Variants in TMEM163 observed in about 807,000 individuals in gnomAD.
TMEM163 encodes transmembrane protein 163.
Under a neutral mutation model 29.3 loss-of-function variants are expected in TMEM163, and 17 were observed. The observed-to-expected ratio is 0.58, with a 90% confidence interval of 0.40 to 0.87. The LOEUF (loss-of-function observed/expected upper bound fraction) is 0.87, where lower values mean the gene tolerates loss of function less well. TMEM163 is among the 40% of genes least tolerant of loss of function. The probability of loss-of-function intolerance (pLI) is 0.00; values close to 1 mark genes in which losing one functional copy is unlikely to be tolerated. For synonymous variants in TMEM163, 157 were observed against 160.6 expected, an observed-to-expected ratio of 0.98 and a Z score of 0.17; for missense variants, 303 against 381.5, an observed-to-expected ratio of 0.79 and a Z score of 1.71.
chr2:134,590,835 G>A (rs1681919622), intron 2 of TMEM163, among the ~76,000 whole-genome samples: 1 of 152,106 alleles, frequency 6.6e-6, no homozygotes, highest in Non-Finnish European at 1.5e-5. Context: ...GTTAGGATAG[G>A]TCCTCAGTTG....
intron 4 of TMEM163, among the ~76,000 whole-genome samples, chr2:134,536,857 G>A (rs893892920): frequency 3.3e-5 from 5 of 152,134 alleles, no homozygotes; most frequent in African/African-American, 4.8e-5. Flanking sequence ...TCTAGGTCTA[G>A]GGCCTACAGG....
intron 2 of TMEM163, among the ~76,000 whole-genome samples, chr2:134,632,168 G>A (rs1005686846): frequency 6.6e-6 from 1 of 152,162 alleles, no homozygotes; most frequent in Non-Finnish European, 1.5e-5. Flanking sequence ...AAGGTGGGAA[G>A]CAAGGAACCA....
chr2:134,509,031 A>T (rs1679888566), intron 4 of TMEM163, among the ~76,000 whole-genome samples: 1 of 152,198 alleles, frequency 6.6e-6, no homozygotes, highest in South Asian at 2.1e-4. Context: ...ACCAACTGAA[A>T]TCCCACTTAG....
At chr2:134,563,277 T>G (rs756148611) in intron 2 of TMEM163, among the ~76,000 whole-genome samples, 3 of 152,184 alleles carry the variant, frequency 2.0e-5, no homozygotes, top group Non-Finnish European at 4.4e-5. Flanking sequence ...TGAGATCAGG[T>G]GCCCCGAGAA....
At chr2:134,532,928 C>A (rs1373677606) in intron 4 of TMEM163, among the ~76,000 whole-genome samples, 2 of 152,190 alleles carry the variant, frequency 1.3e-5, no homozygotes, top group African/African-American at 4.8e-5. Flanking sequence ...AGTGACAGGT[C>A]TGTGGTATAA....
chr2:134,595,868 G>GCAA (rs768157354), intron 2 of TMEM163, among the ~76,000 whole-genome samples: 11 of 152,202 alleles, frequency 7.2e-5, no homozygotes, highest in Non-Finnish European at 1.5e-4. Context: ...GATGGCCAGT[G>GCAA]ATGATGAGCA....
chr2:134,472,280 T>C (rs899379707), intron 5 of TMEM163, among the ~76,000 whole-genome samples: 3 of 152,064 alleles, frequency 2.0e-5, no homozygotes, highest in Non-Finnish European at 2.9e-5. Flanking sequence ...CTCCTTACTA[T>C]AGAAAGGGCT....
intron 5 of TMEM163, among the ~76,000 whole-genome samples, chr2:134,497,370 A>G (rs17787469): frequency 0.13 from 20,146 of 152,188 alleles, 1,684 homozygotes; most frequent in Middle Eastern, 0.3. Context: ...TTTATTGCCA[A>G]CATGTGGCTG....
intron 2 of TMEM163, among the ~76,000 whole-genome samples, chr2:134,687,243 C>T (rs1006803252): frequency 9.2e-5 from 14 of 151,982 alleles, no homozygotes; most frequent in African/African-American, 3.1e-4. Flanking sequence ...AATGCCAAAA[C>T]GTGATGGCTT....
At chr2:134,511,318 C>T (rs1679944737) in intron 4 of TMEM163, among the ~76,000 whole-genome samples, 1 of 152,190 alleles carries the variant, frequency 6.6e-6, no homozygotes, top group South Asian at 2.1e-4. Flanking sequence ...AGGAGAGAAC[C>T]CAGCATGCTC....
intron 5 of TMEM163, among the ~76,000 whole-genome samples, chr2:134,491,185 T>C (rs1211686090): frequency 6.6e-6 from 1 of 152,182 alleles, no homozygotes; most frequent in Non-Finnish European, 1.5e-5. Context: ...CACTCAGCCC[T>C]GATACTCCCA....
chr2:134,630,404 T>C (rs1411133979), intron 2 of TMEM163, among the ~76,000 whole-genome samples: 1 of 152,080 alleles, frequency 6.6e-6, no homozygotes, highest in East Asian at 1.9e-4. Flanking sequence ...TTCCAGCGTT[T>C]TCAAATCAGT....
chr2:134,548,527 T>C (rs1290234773), intron 4 of TMEM163, among the ~76,000 whole-genome samples: 2 of 152,216 alleles, frequency 1.3e-5, no homozygotes, highest in African/African-American at 2.4e-5. Flanking sequence ...CTAGGCTTCT[T>C]ATTGAATTCC....
chr2:134,554,965 T>C (rs1239831271), intron 2 of TMEM163, among the ~76,000 whole-genome samples: 2 of 152,118 alleles, frequency 1.3e-5, no homozygotes, highest in Non-Finnish European at 2.9e-5. Context: ...CTTGATGAGA[T>C]GGAAAGGGAG....
intron 5 of TMEM163, among the ~76,000 whole-genome samples, chr2:134,479,197 G>A (rs1475323042): frequency 6.6e-6 from 1 of 152,206 alleles, no homozygotes; most frequent in Admixed American, 6.5e-5. Context: ...GGTGATAGCA[G>A]CCTGAATGAA....
At chr2:134,466,420 T>C in intron 5 of TMEM163, 195 bp from the exon 6 acceptor site, 1 of 562,072 alleles carries the variant, frequency 1.8e-6, no homozygotes, top group Non-Finnish European at 3.2e-6. Flanking sequence ...CAAAAACAGA[T>C]AATCCCAATT....
At chr2:134,656,472 G>A (rs961461588) in intron 2 of TMEM163, among the ~76,000 whole-genome samples, 20 of 152,052 alleles carry the variant, frequency 1.3e-4, no homozygotes, top group African/African-American at 4.4e-4. Context: ...AGAGAAACCC[G>A]GTACCTCAGA....
intron 2 of TMEM163, among the ~76,000 whole-genome samples, chr2:134,710,693 G>C (rs113090821): frequency 0.011 from 1,700 of 151,074 alleles, 43 homozygotes; most frequent in African/African-American, 0.039. Flanking sequence ...ACAGTCTTGA[G>C]TACTGATTCC....
intron 2 of TMEM163, among the ~76,000 whole-genome samples, chr2:134,669,354 G>A (rs756191743): frequency 8.5e-5 from 13 of 152,194 alleles, no homozygotes; most frequent in Non-Finnish European, 1.6e-4. Flanking sequence ...AGAATCAACA[G>A]TCAAGAGCCC....
Sources: gnomAD v4.1 joint callset for allele counts (sites outside exome capture counted in the v4.1 genomes callset) on GRCh38, gnomAD v4.1.1 for gene constraint, MANE v1.5 for transcripts, NCBI Gene and HGNC (gene_info 2026-07-23, HGNC 2026-07-21) for gene names.